Variants in RNF38 observed in about 807,000 individuals in gnomAD.
The protein encoded by RNF38 is E3 ubiquitin-protein ligase RNF38.
Under a neutral mutation model 67.2 loss-of-function variants are expected in RNF38, and 15 were observed. That is an observed-to-expected ratio of 0.22 (90% CI 0.15 to 0.34). RNF38 has a LOEUF of 0.34. Ranked by LOEUF, RNF38 falls within the 10% of genes least tolerant of loss-of-function variation. RNF38 has a pLI of 1.00. For synonymous variants in RNF38, 220 were observed against 218.8 expected, an observed-to-expected ratio of 1.01 and a Z score of -0.05; for missense variants, 524 against 639.9, an observed-to-expected ratio of 0.82 and a Z score of 1.95.
intron 3 of RNF38, among the ~76,000 whole-genome samples, chr9:36,373,211 TAA>T (rs1048663450): frequency 1.3e-5 from 2 of 152,090 alleles, no homozygotes; most frequent in African/African-American, 4.8e-5. Context: ...ACATTTCCAA[TAA>T]AAAAGTTAAG....
At chr9:36,478,817 CA>C (rs58286962) in intron 1 of RNF38, among the ~76,000 whole-genome samples, 70,199 of 106,086 alleles carry the variant, frequency 0.66, 21,410 homozygotes, top group Non-Finnish European at 0.72. Context: ...AACGCTGTCT[CA>C]AAAAAAAAAA....
chr9:36,462,054 A>G (rs970044642), intron 1 of RNF38, among the ~76,000 whole-genome samples: 3 of 152,218 alleles, frequency 2.0e-5, no homozygotes, highest in African/African-American at 4.8e-5. Context: ...AACAAGGATT[A>G]TGAGATTACA....
chr9:36,405,423 T>C (rs184409826), upstream of RNF38, among the ~76,000 whole-genome samples: 6 of 152,370 alleles, frequency 3.9e-5, no homozygotes, highest in South Asian at 6.2e-4. Context: ...CTTACTGTAT[T>C]GCTCTAAATG....
chr9:36,424,859 C>G (rs1232658002), intron 1 of RNF38, among the ~76,000 whole-genome samples: 3 of 152,210 alleles, frequency 2.0e-5, no homozygotes, highest in Admixed American at 6.5e-5. Context: ...CACAGAGAGG[C>G]TGACCCACAC....
At chr9:36,381,386 C>T (rs1836199984) in intron 2 of RNF38, among the ~76,000 whole-genome samples, 2 of 152,054 alleles carry the variant, frequency 1.3e-5, no homozygotes, top group South Asian at 4.2e-4. Flanking sequence ...ACTAGATACA[C>T]CTCATTTTAT....
chr9:36,466,131 T>C (rs1318669977), intron 1 of RNF38, among the ~76,000 whole-genome samples: 1 of 152,196 alleles, frequency 6.6e-6, no homozygotes, highest in African/African-American at 2.4e-5. Flanking sequence ...CTATTCTAAG[T>C]GGAAGAAGCC....
intron 9 of RNF38, among the ~76,000 whole-genome samples, chr9:36,348,404 T>C (rs1833458534): frequency 6.6e-6 from 1 of 151,744 alleles, no homozygotes; most frequent in African/African-American, 2.4e-5. Flanking sequence ...GCCTGGGAGG[T>C]TGAGGCTGTA....
chr9:36,347,218 A>T lies in RNF38; in HGVS notation c.1264-2265T>A, dbSNP rs10758370. On this transcript the variant is annotated intron_variant, in intron 9 of 11. Transcript: ENST00000259605. Reference sequence around the variant, plus strand: ...AGATAAAATTTATGATATCATTGATAATGATCTTTTATATCTCTTAGTACA... The same window carrying T: ...AGATAAAATTTATGATATCATTGATTATGATCTTTTATATCTCTTAGTACA... 6.7e-5 allele frequency among the ~76,000 whole-genome samples: 10 copies of T among 149,980 alleles called. No individual in the cohort carries two copies. The South Asian group carries it at 1.5e-3, about 22-fold the overall frequency.
At chr9:36,414,154 C>A (rs1028062937) in intron 2 of RNF38, among the ~76,000 whole-genome samples, 1 of 152,148 alleles carries the variant, frequency 6.6e-6, no homozygotes. Context: ...AGGTGAGTCT[C>A]TTGAAGACAG....
chr9:36,431,490 T>C (rs1838934164), intron 1 of RNF38, among the ~76,000 whole-genome samples: 1 of 152,152 alleles, frequency 6.6e-6, no homozygotes, highest in South Asian at 2.1e-4. Flanking sequence ...CAAAAACACA[T>C]TATGTGGCAC....
chr9:36,473,798 A>G (rs1319530549), intron 1 of RNF38, among the ~76,000 whole-genome samples: 2 of 150,710 alleles, frequency 1.3e-5, no homozygotes, highest in Non-Finnish European at 2.9e-5. Flanking sequence ...CAGCCTGGCC[A>G]AGATGGTGAA....
chr9:36,390,438 A>G (rs1587589419), intron 2 of RNF38, 29 bp downstream of exon 2: 1 of 1,585,670 alleles, frequency 6.3e-7, no homozygotes. Flanking sequence ...TTTCAGCCCT[A>G]TGTAGGGAAA....
chr9:36,466,046 T>TGTCTCCTCC (rs1004487301), intron 1 of RNF38, among the ~76,000 whole-genome samples: 2 of 152,240 alleles, frequency 1.3e-5, no homozygotes, highest in African/African-American at 4.8e-5. Flanking sequence ...TGCGAGACTC[T>TGTCTCCTCC]GTCTCGTGAA....
At chr9:36,440,895 G>A (rs1839176866) in intron 1 of RNF38, among the ~76,000 whole-genome samples, 2 of 152,284 alleles carry the variant, frequency 1.3e-5, no homozygotes, top group South Asian at 4.1e-4. Flanking sequence ...GGATCACGAG[G>A]TCAGCTTTAA....
At chr9:36,393,465 C>G (rs1225375347) in intron 1 of RNF38, among the ~76,000 whole-genome samples, 4 of 102,254 alleles carry the variant, frequency 3.9e-5, no homozygotes, top group Non-Finnish European at 8.6e-5. Context: ...AAAATAAAAT[C>G]ACACACACAC....
intron 2 of RNF38, among the ~76,000 whole-genome samples, chr9:36,383,874 G>C (rs565410332): frequency 6.6e-6 from 1 of 152,014 alleles, no homozygotes; most frequent in Admixed American, 6.6e-5. Flanking sequence ...GCTCAGAAAG[G>C]CACTCTAGTA....
At chr9:36,400,419 C>A (rs1837925626), upstream of RNF38, 4 of 1,115,416 alleles carry the variant, frequency 3.6e-6, no homozygotes, top group South Asian at 1.4e-4. Flanking sequence ...CGCCTCCTCG[C>A]CACCGCGGGA....
At chr9:36,473,576 G>A (rs577877986) in intron 1 of RNF38, among the ~76,000 whole-genome samples, 3 of 152,000 alleles carry the variant, frequency 2.0e-5, no homozygotes, top group East Asian at 1.9e-4. Context: ...CAACAAGAGC[G>A]AAACTCCGTC....
chr9:36,346,734 C>T (rs968938625), intron 9 of RNF38, among the ~76,000 whole-genome samples: 8 of 152,312 alleles, frequency 5.3e-5, no homozygotes, highest in South Asian at 2.1e-4. Context: ...AACTTTGCTT[C>T]TGTGTCAACA....
Sources: gnomAD v4.1 joint callset for allele counts (sites outside exome capture counted in the v4.1 genomes callset) on GRCh38, gnomAD v4.1.1 for gene constraint, MANE v1.5 for transcripts, NCBI Gene and HGNC (gene_info 2026-07-23, HGNC 2026-07-21) for gene names.